Variants in RASGEF1A observed in about 807,000 individuals in gnomAD.
RASGEF1A encodes the protein ras-GEF domain-containing family member 1A.
A neutral mutation model predicts 56.4 loss-of-function variants in RASGEF1A; 18 were observed. That is an observed-to-expected ratio of 0.32 (90% confidence interval 0.22 to 0.47). The LOEUF (loss-of-function observed/expected upper bound fraction) is 0.47. Ranked by LOEUF, RASGEF1A falls within the 20% of genes least tolerant of loss-of-function variation. RASGEF1A has a pLI of 1.00. For synonymous variants in RASGEF1A, 245 were observed against 242.6 expected, an observed-to-expected ratio of 1.01 and a Z score of -0.09; for missense variants, 422 against 627.1, an observed-to-expected ratio of 0.67 and a Z score of 3.49.
chr10:43,245,561 T>C (rs909627392), intron 1 of RASGEF1A, among the ~76,000 whole-genome samples: 2 of 152,192 alleles, frequency 1.3e-5, no homozygotes, highest in Non-Finnish European at 2.9e-5. Context: ...TCCAGCAGCA[T>C]ATTTTGTAAG....
At chr10:43,208,057 C>T (rs1466127854) in intron 1 of RASGEF1A, 2 of 985,336 alleles carry the variant, frequency 2.0e-6, no homozygotes, top group Admixed American at 6.2e-5. Flanking sequence ...AATGAAGTCA[C>T]GAAGGCGGGC....
intron 1 of RASGEF1A, among the ~76,000 whole-genome samples, 170 bp downstream of exon 1, chr10:43,266,675 C>T (rs1836630685): frequency 6.8e-6 from 1 of 146,620 alleles, no homozygotes; most frequent in African/African-American, 2.5e-5. Flanking sequence ...CCTCCCCGCG[C>T]GCGTCCCCCG....
At position 43,264,500 on chromosome 10, in the gene RASGEF1A, C is replaced by T. The variant is rs927974113; in HGVS notation, c.-7+2345G>A. 3.3e-5 allele frequency among the ~76,000 whole-genome samples: 5 copies of T among 151,934 alleles called. No homozygotes were observed. In the East Asian group the frequency reaches 9.9e-4, roughly 30 times the overall value. ...ACACCCTTGCTAGGTAAACACTCAT[C>T]CTCCCCAGCAGGGAGTGGGCAGGGG... On this transcript the variant is annotated intron_variant, in intron 1 of 12. Transcript: ENST00000395810.
At chr10:43,262,010 C>T (rs1836537450) in intron 1 of RASGEF1A, among the ~76,000 whole-genome samples, 1 of 152,160 alleles carries the variant, frequency 6.6e-6, no homozygotes, top group Non-Finnish European at 1.5e-5. Flanking sequence ...AGGAGGAGGC[C>T]TGCCCCAGTG....
intron 1 of RASGEF1A, among the ~76,000 whole-genome samples, chr10:43,261,504 A>G (rs949618216): frequency 6.6e-6 from 1 of 152,126 alleles, no homozygotes; most frequent in African/African-American, 2.4e-5. Flanking sequence ...TCATCCAGCC[A>G]CCCACTGCTA....
intron 1 of RASGEF1A, among the ~76,000 whole-genome samples, chr10:43,210,931 TTGGGGA>T (rs1840058303): frequency 1.5e-5 from 2 of 135,604 alleles, no homozygotes; most frequent in Admixed American, 7.2e-5. Flanking sequence ...TTGCAGGGAG[TTGGGGA>T]CAGGCTTGCA....
Position 43,198,126 on chromosome 10 carries a change from G to C in RASGEF1A, c.1102C>G (p.Gln368Glu). ...TTTTCACGGCTGCTGTTGGCCATCTGGGACCTCTGCGTGGCCCCCTGCAGG... is the reference window on the plus strand; with the variant it reads ...TTTTCACGGCTGCTGTTGGCCATCTCGGACCTCTGCGTGGCCCCCTGCAGG... ...TALQGATQRSQMANSSREKIV... is the reference protein window; with the variant it reads ...TALQGATQRSEMANSSREKIV... The change falls in exon 10 of 13, where the codon CAG becomes GAG. Residue 368 changes from glutamine to glutamate, a missense_variant. Gln to Glu is a conservative substitution (Grantham distance 29). Coordinates refer to ENST00000395810, the MANE Select transcript of RASGEF1A (RefSeq NM_145313.4). The C allele has an allele frequency of 6.2e-7, 1 of 1,614,174 alleles. No homozygotes were observed. Among genetic ancestry groups the C allele is most frequent in the Non-Finnish European group, 8.5e-7 (1 of 1,179,982 alleles).
At chr10:43,225,305 G>T (rs960847776) in intron 1 of RASGEF1A, among the ~76,000 whole-genome samples, 1 of 144,584 alleles carries the variant, frequency 6.9e-6, no homozygotes, top group Admixed American at 7.2e-5. Flanking sequence ...CTGTGTCTTT[G>T]TGTGTGTCTG....
rs768832159 is a variant in RASGEF1A, at chr10:43,198,181, C to T, written c.1047G>A (p.Pro349=). ...KFDVLEHHMD[P]SSNFCNYRTA... ...TACGGTAGTTGCAGAAGTTGCTGGA[C>T]GGGTCCATGTGATGCTGTGGGCACA... Residue 349 remains proline (P), a synonymous_variant, in exon 10 of 13, where the codon CCG becomes CCA. Coordinates refer to ENST00000395810, the MANE Select transcript of RASGEF1A (RefSeq NM_145313.4). 3.3e-5 allele frequency: 54 copies of T among 1,611,950 alleles called. No individual in the cohort carries two copies. The highest frequency in any genetic ancestry group is 3.9e-5 in the Non-Finnish European group (46 of 1,178,436).
At chr10:43,239,597 C>T (rs1207042945) in intron 1 of RASGEF1A, among the ~76,000 whole-genome samples, 2 of 152,198 alleles carry the variant, frequency 1.3e-5, no homozygotes, top group Non-Finnish European at 2.9e-5. Flanking sequence ...TAGTCCCATC[C>T]CTGACTCTCT....
intron 1 of RASGEF1A, among the ~76,000 whole-genome samples, chr10:43,241,649 T>C (rs553047188): frequency 6.0e-4 from 90 of 149,536 alleles, no homozygotes; most frequent in East Asian, 1.4e-3. Context: ...AATGAAGGAA[T>C]AAAGGAACAA....
intron 2 of RASGEF1A, chr10:43,203,622 C>T (rs1253776857): frequency 1.1e-5 from 13 of 1,185,336 alleles, no homozygotes; most frequent in Non-Finnish European, 1.3e-5. Context: ...CTAGGAGGCA[C>T]GGCTCGAGCC....
intron 8 of RASGEF1A, 32 bp from the exon 9 acceptor site, chr10:43,199,044 G>A (rs1339398830): frequency 6.2e-7 from 1 of 1,601,356 alleles, no homozygotes; most frequent in Non-Finnish European, 8.6e-7. Context: ...GTCAGGGCCG[G>A]GGGGGTGGGC....
Position 43,252,090 on chromosome 10 carries a change from G to A in RASGEF1A, c.-7+14755C>T, listed in dbSNP as rs562394881. On this transcript the variant is annotated intron_variant, in intron 1 of 12. Coordinates refer to ENST00000395810, the MANE Select transcript of RASGEF1A (RefSeq NM_145313.4). ...GGTGAGGACGCAGAGGGCACCTGTCGCCATTGATGCTGGGATGACCAAGGA... is the reference window on the plus strand; with the variant it reads ...GGTGAGGACGCAGAGGGCACCTGTCACCATTGATGCTGGGATGACCAAGGA... Among the ~76,000 whole-genome samples the A allele has an allele frequency of 1.6e-4, 24 of 152,324 alleles. No individual in the cohort carries two copies. In the South Asian group the frequency reaches 4.1e-3, roughly 26 times the overall value.
chr10:43,239,970 T>C (rs1375797612), intron 1 of RASGEF1A, among the ~76,000 whole-genome samples: 1 of 152,226 alleles, frequency 6.6e-6, no homozygotes, highest in African/African-American at 2.4e-5. Context: ...TTTGAAAAAC[T>C]GCAGTGCATT....
intron 1 of RASGEF1A, among the ~76,000 whole-genome samples, chr10:43,210,371 A>T (rs1384310276): frequency 1.3e-5 from 2 of 152,076 alleles, no homozygotes; most frequent in Non-Finnish European, 2.9e-5. Flanking sequence ...CTACTTGGGG[A>T]GCTGAGGCAG....
At chr10:43,199,789 C>G in intron 6 of RASGEF1A, 21 bp from the exon 7 acceptor site, 3 of 1,598,952 alleles carry the variant, frequency 1.9e-6, no homozygotes, top group Non-Finnish European at 2.6e-6. Flanking sequence ...CACAGCAGGT[C>G]ATAGGGGGCC....
chr10:43,213,284 AC>A (rs1840092717), intron 1 of RASGEF1A, among the ~76,000 whole-genome samples: 1 of 152,176 alleles, frequency 6.6e-6, no homozygotes, highest in Admixed American at 6.5e-5. Context: ...TACCCCAAAT[AC>A]CCTGCCTTGA....
intron 1 of RASGEF1A, among the ~76,000 whole-genome samples, chr10:43,221,999 T>C (rs1406739252): frequency 1.3e-5 from 2 of 152,166 alleles, no homozygotes; most frequent in Admixed American, 6.5e-5. Context: ...GAGAAATGCA[T>C]CTTAGGCGAT....
Sources: allele counts gnomAD v4.1 joint callset (sites outside exome capture counted in the v4.1 genomes callset), GRCh38; gene constraint gnomAD v4.1.1; transcripts MANE v1.5; gene names NCBI Gene and HGNC (gene_info 2026-07-23, HGNC 2026-07-21).